The following ABCC4 variants were observed in gnomAD, a reference collection of about 807,000 sequenced individuals.
ABCC4 encodes the protein ATP binding cassette subfamily C member 4 (PEL blood group).
Under a neutral mutation model 168.5 loss-of-function variants are expected in ABCC4, and 102 were observed. The ratio of observed to expected loss-of-function variants is 0.61; its 90% CI spans 0.52 to 0.71. The LOEUF (loss-of-function observed/expected upper bound fraction) is 0.71, where lower values mean the gene tolerates loss of function less well. ABCC4 is among the 30% of genes least tolerant of loss of function. ABCC4 has a pLI of 0.00. For synonymous variants in ABCC4, 617 were observed against 590.7 expected, an observed-to-expected ratio of 1.04 and a Z score of -0.65; for missense variants, 1,402 against 1,605.8, an observed-to-expected ratio of 0.87 and a Z score of 2.17.
chr13:95,218,995 G>GAAAA (rs1566540072), intron 4 of ABCC4, among the ~76,000 whole-genome samples: 2,667 of 49,668 alleles, frequency 0.054, 161 homozygotes, highest in African/African-American at 0.065. Context: ...GAGTGAGAAA[G>GAAAA]AAAGAAAGAG....
intron 21 of ABCC4, among the ~76,000 whole-genome samples, chr13:95,077,230 T>A (rs2033936937): frequency 6.6e-6 from 1 of 152,216 alleles, no homozygotes; most frequent in African/African-American, 2.4e-5. Context: ...CTGAGATAAA[T>A]GATTTGTGCT....
chr13:95,083,108 A>G (rs772646242), intron 21 of ABCC4, 32 bp downstream of exon 21: 3 of 1,594,916 alleles, frequency 1.9e-6, no homozygotes, highest in Non-Finnish European at 2.6e-6. Flanking sequence ...ACTAGCTAGC[A>G]TGTCTATACC....
rs573818203 is a variant in ABCC4, at chr13:95,033,268, G to T, written c.3870+1337C>A. The stretch of plus-strand genomic sequence containing the variant: ...ATTCTACCTACAGTGATGAAAACCT[G>T]AAAAATACAGAAAACAATGAAGGAA... On this transcript the variant is annotated intron_variant, in intron 30 of 30. Coordinates refer to ENST00000645237, the MANE Select transcript of ABCC4 (RefSeq NM_005845.5). Among the ~76,000 whole-genome samples the T allele has an allele frequency of 2.8e-4, 43 of 152,186 alleles. No homozygotes were observed. In the South Asian group the frequency reaches 8.5e-3, roughly 30 times the overall value.
At chr13:95,025,209 C>CA (rs1566350730) in intron 30 of ABCC4, among the ~76,000 whole-genome samples, 3 of 60,850 alleles carry the variant, frequency 4.9e-5, no homozygotes, top group African/African-American at 1.8e-4. Context: ...CACCCCCACA[C>CA]CCCCCACACA....
chr13:95,175,672 T>C (rs961342559), intron 13 of ABCC4, among the ~76,000 whole-genome samples: 3 of 152,212 alleles, frequency 2.0e-5, no homozygotes, highest in East Asian at 1.9e-4. Context: ...CCTACTCTAA[T>C]CTGACTGGTG....
intron 21 of ABCC4, 145 bp downstream of exon 21, chr13:95,082,995 T>C: frequency 4.4e-6 from 4 of 907,304 alleles, no homozygotes; most frequent in South Asian, 3.5e-5. Flanking sequence ...GACACAATGA[T>C]TCATAATGGC....
chr13:95,109,127 T>C (rs1421647072), intron 20 of ABCC4, among the ~76,000 whole-genome samples: 1 of 152,180 alleles, frequency 6.6e-6, no homozygotes, highest in African/African-American at 2.4e-5. Context: ...GAAAAGTACT[T>C]GGCATACAGG....
intron 19 of ABCC4, among the ~76,000 whole-genome samples, chr13:95,125,191 A>C (rs2035714946): frequency 6.6e-6 from 1 of 152,170 alleles, no homozygotes; most frequent in Non-Finnish European, 1.5e-5. Context: ...GGAGGTTCAG[A>C]AAGGTGTGCT....
At chr13:95,223,661 C>G (rs147939509) in intron 4 of ABCC4, among the ~76,000 whole-genome samples, 50 of 152,208 alleles carry the variant, frequency 3.3e-4, no homozygotes, top group Middle Eastern at 3.4e-3. Context: ...GCCACCACAC[C>G]CAGCTAAATT....
chr13:95,244,596 TGAAAGAAAGAAAGAAAGAAA>T lies in ABCC4; in HGVS notation c.306+2359_306+2378del, dbSNP rs58076935. Among the ~76,000 whole-genome samples the T allele has an allele frequency of 1.8e-3, 63 of 34,992 alleles. 2 individuals are homozygous for T. The highest frequency in any genetic ancestry group is 1.6e-3 in the African/African-American group (9 of 5,790). The allele number at this position is 34,992 out of a possible 152,430, so 23.0% of individuals were successfully genotyped here. On this transcript the variant is annotated intron_variant, in intron 3 of 30. Coordinates refer to ENST00000645237, the MANE Select transcript of ABCC4 (RefSeq NM_005845.5). ...AAAAACAAAATAAAATAAAATAACA[TGAAAGAAAGAAAGAAAGAAA>T]GAAAGAAAGAAAGAAAGAAAGAAAG... is the stretch of plus-strand genomic sequence containing the variant.
intron 29 of ABCC4, among the ~76,000 whole-genome samples, chr13:95,037,503 A>C (rs1203491116): frequency 1.3e-5 from 2 of 152,260 alleles, no homozygotes; most frequent in Non-Finnish European, 2.9e-5. Context: ...TAAAGATGGA[A>C]GTGCAAATAA....
At position 95,170,040 on chromosome 13, in the gene ABCC4, T is replaced by C. The variant is rs147267844; in HGVS notation, c.1824+492A>G. On this transcript the variant is annotated intron_variant, in intron 14 of 30. Transcript: ENST00000645237. ...CTGGGCTAATTTTTTGTATTTTTAG[T>C]AGAGACGGGGTTTCACCGTGTTAGA... is the stretch of plus-strand genomic sequence containing the variant. 7.8e-3 allele frequency among the ~76,000 whole-genome samples: 1,180 copies of C among 152,222 alleles called. 22 individuals are homozygous for C. Among genetic ancestry groups the C allele is most frequent in the African/African-American group, 0.027 (1,106 of 41,522 alleles).
chr13:95,092,478 T>C (rs538367844), intron 20 of ABCC4, among the ~76,000 whole-genome samples: 21 of 152,250 alleles, frequency 1.4e-4, no homozygotes, highest in Non-Finnish European at 2.2e-4. Flanking sequence ...TGAATGAGCA[T>C]TGGGTCAAAA....
chr13:95,180,316 G>A (rs2037847694), intron 11 of ABCC4, among the ~76,000 whole-genome samples: 4 of 152,116 alleles, frequency 2.6e-5, no homozygotes. Context: ...CAATTTGGGA[G>A]GCCGACACGG....
At chr13:95,111,607 G>A (rs947094529) in intron 20 of ABCC4, among the ~76,000 whole-genome samples, 1 of 152,048 alleles carries the variant, frequency 6.6e-6, no homozygotes, top group African/African-American at 2.4e-5. Context: ...CTTAATACAG[G>A]ACAGCAAATG....
At chr13:95,085,669 C>G (rs752333577) in intron 20 of ABCC4, among the ~76,000 whole-genome samples, 1 of 152,174 alleles carries the variant, frequency 6.6e-6, no homozygotes, top group Admixed American at 6.5e-5. Context: ...CATCTTGACC[C>G]ACCAGCCCAG....
chr13:95,209,816 G>A (rs971845106), intron 5 of ABCC4, among the ~76,000 whole-genome samples: 2 of 152,192 alleles, frequency 1.3e-5, no homozygotes, highest in African/African-American at 4.8e-5. Flanking sequence ...AAGAGAATCC[G>A]ACCAGCGGCA....
At chr13:95,093,580 A>C (rs1024412791) in intron 20 of ABCC4, among the ~76,000 whole-genome samples, 1 of 152,194 alleles carries the variant, frequency 6.6e-6, no homozygotes, top group Non-Finnish European at 1.5e-5. Context: ...ACCCACAGCC[A>C]ACATGATACT....
At chr13:95,120,381 A>G (rs181820594) in intron 19 of ABCC4, among the ~76,000 whole-genome samples, 27 of 152,144 alleles carry the variant, frequency 1.8e-4, no homozygotes, top group African/African-American at 6.3e-4. Flanking sequence ...CCTGGCCAAG[A>G]TGGTGAAACC....
Sources: gnomAD v4.1 joint callset for allele counts (sites outside exome capture counted in the v4.1 genomes callset) on GRCh38, gnomAD v4.1.1 for gene constraint, MANE v1.5 for transcripts, NCBI Gene and HGNC (gene_info 2026-07-23, HGNC 2026-07-21) for gene names.